DKK3: variants seen among roughly 807,000 people sequenced by gnomAD.
The protein encoded by DKK3 is dickkopf-related protein 3.
A neutral mutation model predicts 33.2 loss-of-function variants in DKK3; 22 were observed. The ratio of observed to expected loss-of-function variants is 0.66; its 90% CI spans 0.47 to 0.95. The LOEUF is 0.95. Among genes scored for constraint, DKK3 ranks in the 40% least tolerant of loss-of-function variants. The pLI is 0.00. For synonymous variants in DKK3, 194 were observed against 188.8 expected (o/e 1.03, Z -0.23); for missense variants, 398 against 458.4 (o/e 0.87, Z 1.20).
Position 11,966,551 on chromosome 11 carries a change from A to G in DKK3, c.673+403T>C, listed in dbSNP as rs577349341. Among the ~76,000 whole-genome samples the G allele has an allele frequency of 3.9e-5, 6 of 152,050 alleles. No homozygotes were observed. In the South Asian group the frequency reaches 1.0e-3, roughly 26 times the overall value. ...AGAGCTGGGGAGGCGGCAAATGAGA[A>G]TTTTTCAAAACCCTAGTGGGGGCGG... is the stretch of plus-strand genomic sequence containing the variant. On this transcript the variant is annotated intron_variant, in intron 5 of 6. Coordinates refer to ENST00000683431, the MANE Select transcript of DKK3 (RefSeq NM_001018057.2).
intron 3 of DKK3, among the ~76,000 whole-genome samples, chr11:11,970,770 G>C (rs1452687302): frequency 6.6e-6 from 1 of 152,212 alleles, no homozygotes; most frequent in African/African-American, 2.4e-5. Flanking sequence ...TAGATGGAAG[G>C]GGGGCCAGGG....
At chr11:11,972,952 T>C (rs1847755855) in intron 3 of DKK3, among the ~76,000 whole-genome samples, 1 of 151,748 alleles carries the variant, frequency 6.6e-6, no homozygotes, top group Admixed American at 6.6e-5. Context: ...ATAAGAGGCC[T>C]GGGAGGGAAG....
intron 3 of DKK3, among the ~76,000 whole-genome samples, chr11:11,993,855 C>T (rs1451564762): frequency 6.6e-6 from 1 of 152,294 alleles, no homozygotes; most frequent in East Asian, 1.9e-4. Flanking sequence ...CCAGTATCAC[C>T]CCTTGCCAAC....
rs1289225339 is a variant in DKK3 at position 12,008,065 on chromosome 11, G to A, written c.213+305C>T. Among the ~76,000 whole-genome samples, 1 of 152,124 alleles carries A rather than the reference G, an allele frequency of 6.6e-6. No homozygotes were observed. Among genetic ancestry groups the A allele is most frequent in the African/African-American group, 2.4e-5 (1 of 41,430 alleles). On this transcript the variant is annotated intron_variant, in intron 1 of 6. Transcript: ENST00000683431. This position sits in a 1 kb window ranked among gnomAD's most constrained non-coding sequence, Gnocchi z 4.6. Reference sequence around the variant, plus strand: ...CCCTGCAAACCTCTGCTGACAATAGGGAAGGCCAACGGCATGCCTGACGCC... The same window carrying A: ...CCCTGCAAACCTCTGCTGACAATAGAGAAGGCCAACGGCATGCCTGACGCC...
chr11:11,965,248 A>T (rs1159589203), intron 6 of DKK3, among the ~76,000 whole-genome samples: 1 of 152,176 alleles, frequency 6.6e-6, no homozygotes, highest in Non-Finnish European at 1.5e-5. Flanking sequence ...GAGCCACTGC[A>T]CAGAGCCGTG....
At chr11:11,973,919 G>A (rs1236792023) in intron 3 of DKK3, among the ~76,000 whole-genome samples, 1 of 152,240 alleles carries the variant, frequency 6.6e-6, no homozygotes, top group Non-Finnish European at 1.5e-5. Flanking sequence ...GGGGCCCGCA[G>A]AGGCACCGCT....
chr11:11,963,323 C>T lies in DKK3; in HGVS notation c.*1141G>A, dbSNP rs564961863. The T allele has an allele frequency of 6.6e-6, 1 of 152,512 alleles. No homozygotes were observed. The highest frequency in any genetic ancestry group is 1.5e-5 in the Non-Finnish European group (1 of 68,048). 9.4% of individuals were successfully genotyped at this position (152,512 alleles called of 1,614,324 possible). Reference sequence around the variant, plus strand: ...AGTCGCATATTACAACCATGTTTCACACAGCCCTGCTCGGTTTGATTTTCT... The same window carrying T: ...AGTCGCATATTACAACCATGTTTCATACAGCCCTGCTCGGTTTGATTTTCT... On this transcript the variant is annotated 3_prime_UTR_variant, in exon 7 of 7. Coordinates refer to ENST00000683431, the MANE Select transcript of DKK3 (RefSeq NM_001018057.2).
In DKK3 at chr11:11,990,697, G is replaced by A. The variant is rs1564918655; in HGVS notation, c.435+7999C>T. On this transcript the variant is annotated intron_variant, in intron 3 of 6. Coordinates refer to ENST00000683431, the MANE Select transcript of DKK3 (RefSeq NM_001018057.2). Reference sequence around the variant, plus strand: ...CCAGCTTTACTTGCTGCTCCCCCACGCACATCTCCAGCTCTGGCATTCTAA... The same window carrying A: ...CCAGCTTTACTTGCTGCTCCCCCACACACATCTCCAGCTCTGGCATTCTAA... Among the ~76,000 whole-genome samples, 4 of 152,098 alleles carry A rather than the reference G, an allele frequency of 2.6e-5. 1 individual carries two copies. The South Asian group carries it at 6.2e-4, about 24-fold the overall frequency.
intron 3 of DKK3, among the ~76,000 whole-genome samples, chr11:11,993,219 G>T (rs1278850133): frequency 1.3e-5 from 2 of 151,946 alleles, no homozygotes; most frequent in African/African-American, 4.8e-5. Flanking sequence ...ATCTATAAAG[G>T]GTCTCTGCAA....
At chr11:11,968,293 GC>G in intron 4 of DKK3, 101 bp downstream of exon 4, 1 of 1,069,924 alleles carries the variant, frequency 9.3e-7, no homozygotes. Context: ...TCATGGTGAG[GC>G]TCTTCTGGGA....
In DKK3 at chr11:11,998,987, G is replaced by C. The variant is rs571788862; in HGVS notation, c.352-208C>G. ...CACAGTGATAAGAAATGTTAACAGA[G>C]TCAGCCTCATAGGGTTGCTATGAGG... On this transcript the variant is annotated intron_variant, in intron 2 of 6. Transcript: ENST00000683431. 2.6e-5 allele frequency among the ~76,000 whole-genome samples: 4 copies of C among 152,238 alleles called. No individual in the cohort carries two copies. In the South Asian group the frequency reaches 6.2e-4, roughly 24 times the overall value.
At chr11:11,980,834 C>T (rs930031811) in intron 3 of DKK3, among the ~76,000 whole-genome samples, 3 of 152,138 alleles carry the variant, frequency 2.0e-5, no homozygotes, top group African/African-American at 7.2e-5. Flanking sequence ...GCTGTAAGTG[C>T]CCACAGTTGG....
chr11:12,009,277 C>T (rs867680903), upstream of DKK3: 7 of 984,222 alleles, frequency 7.1e-6, no homozygotes, highest in Middle Eastern at 5.2e-4. Flanking sequence ...GTGGGCGGGC[C>T]GCGGGTGCGG....
At chr11:11,979,122 ACT>A (rs1847901303) in intron 3 of DKK3, 2 of 151,942 alleles carry the variant, frequency 1.3e-5, no homozygotes, top group Non-Finnish European at 2.9e-5. Context: ...AGAACCTCAG[ACT>A]CTCCCCAGCC....
chr11:11,969,785 C>T (rs140447409), intron 3 of DKK3, among the ~76,000 whole-genome samples: 2 of 152,344 alleles, frequency 1.3e-5, no homozygotes, highest in African/African-American at 4.8e-5. Context: ...CTGCTCTGAT[C>T]AACACTGCAA....
intron 3 of DKK3, among the ~76,000 whole-genome samples, chr11:11,984,245 C>A (rs897717713): frequency 6.6e-6 from 1 of 152,146 alleles, no homozygotes; most frequent in Non-Finnish European, 1.5e-5. Context: ...GTGTTGAAGT[C>A]GAGTTATCAA....
intron 3 of DKK3, among the ~76,000 whole-genome samples, chr11:11,987,162 G>C (rs1217795333): frequency 6.6e-6 from 1 of 152,202 alleles, no homozygotes; most frequent in Non-Finnish European, 1.5e-5. Context: ...TCAGTCTTCA[G>C]ACAATCCTTT....
In DKK3 at chr11:12,008,285, G is replaced by A; in HGVS notation, c.213+85C>T. On this transcript the variant is annotated intron_variant, in intron 1 of 6. Coordinates refer to ENST00000683431, the MANE Select transcript of DKK3 (RefSeq NM_001018057.2). The surrounding 1 kb of genome is among the most constrained non-coding windows in gnomAD (Gnocchi z 4.6). Reference sequence around the variant, plus strand: ...GCCCTGCGCGGGACCCGAGGTCCCTGGCCAGCGCTCTTCCATGCCTTCCCA... The same window carrying A: ...GCCCTGCGCGGGACCCGAGGTCCCTAGCCAGCGCTCTTCCATGCCTTCCCA... 1 of 1,477,428 alleles carries A rather than the reference G, an allele frequency of 6.8e-7. No homozygotes were observed. Among genetic ancestry groups the A allele is most frequent in the Non-Finnish European group, 9.0e-7 (1 of 1,113,144 alleles). 91.5% of individuals were successfully genotyped at this position (1,477,428 alleles called of 1,614,324 possible). A position where few individuals can be genotyped will look rare whatever the true frequency, so the allele number is the denominator to read the frequency against.
chr11:11,996,836 T>C (rs964852610), intron 3 of DKK3, among the ~76,000 whole-genome samples: 2 of 152,156 alleles, frequency 1.3e-5, no homozygotes, highest in Non-Finnish European at 2.9e-5. Flanking sequence ...CATCACACAA[T>C]GGCCACAGGA....
Sources: allele counts gnomAD v4.1 joint callset (sites outside exome capture counted in the v4.1 genomes callset), GRCh38; gene constraint gnomAD v4.1.1; non-coding constraint Gnocchi (gnomAD v3.1); transcripts MANE v1.5; gene names NCBI Gene and HGNC (gene_info 2026-07-23, HGNC 2026-07-21).